The following RUSC2 variants were observed in gnomAD, a reference collection of about 807,000 sequenced individuals.
RUSC2 encodes RUN and SH3 domain containing 2.
A neutral mutation model predicts 122.2 loss-of-function variants in RUSC2; 34 were observed. The ratio of observed to expected loss-of-function variants is 0.28; its 90% confidence interval spans 0.21 to 0.37. RUSC2 has a LOEUF of 0.37. Ranked by LOEUF, RUSC2 falls within the 10% of genes least tolerant of loss-of-function variation. The pLI is 1.00. For synonymous variants in RUSC2, 784 were observed against 790.0 expected (o/e 0.99, Z 0.13); for missense variants, 1,747 against 1,952.4 (o/e 0.89, Z 1.98).
At chr9:35,518,620 G>A (rs927667858) in intron 1 of RUSC2, among the ~76,000 whole-genome samples, 2 of 152,156 alleles carry the variant, frequency 1.3e-5, no homozygotes, top group African/African-American at 4.8e-5. Flanking sequence ...GCTTTCAGGA[G>A]ATTATCTAGG....
At chr9:35,559,304 A>G (rs1822091178) in intron 9 of RUSC2, 32 bp downstream of exon 9, 4 of 1,565,674 alleles carry the variant, frequency 2.6e-6, no homozygotes, top group Admixed American at 3.3e-5. Flanking sequence ...GTCAAACTCA[A>G]TGGGTCAGAA....
At position 35,546,895 on chromosome 9, in the gene RUSC2, G is replaced by A; in HGVS notation, c.374G>A (p.Ser125Asn). 6.3e-7 allele frequency: 1 copy of A among 1,586,246 alleles called. No individual in the cohort carries two copies. The highest frequency in any genetic ancestry group is 8.6e-7 in the Non-Finnish European group (1 of 1,166,316). ...CTGTATGATGACAGCATTGGTGACA[G>A]TGCCACCCAGCAGTCCTTCCACCTG... ...GDLYDDSIGDSATQQSFHLHG... is the reference protein window; with the variant it reads ...GDLYDDSIGDNATQQSFHLHG... The change falls in exon 2 of 12, where the codon AGT (serine) becomes AAT (asparagine). Residue 125 changes from serine to asparagine, a missense_variant. Physicochemically the swap from Ser to Asn is conservative, Grantham distance 46. Transcript: ENST00000361226. This position sits in a 1 kb window ranked among gnomAD's most constrained non-coding sequence, Gnocchi z 4.3.
rs1444513149 is a variant in RUSC2, at chr9:35,547,374, A to G, written c.853A>G (p.Ser285Gly). ...TTCAGATGGTGTGCTGGTCACCTTC[A>G]GCACCCTCTACAACAAGATGCATGG... ...NSSDGVLVTF[S>G]TLYNKMHGTP... is the part of the protein sequence containing the mutation. The change falls in exon 2 of 12, where the codon AGC (serine) becomes GGC (glycine). Residue 285 changes from serine (S) to glycine (G), a missense_variant. Transcript: ENST00000361226. This position sits in a 1 kb window ranked among gnomAD's most constrained non-coding sequence, Gnocchi z 4.6. 1.9e-6 allele frequency: 3 copies of G among 1,614,060 alleles called. No homozygotes were observed. The highest frequency in any genetic ancestry group is 2.2e-5 in the East Asian group (1 of 44,894).
intron 1 of RUSC2, among the ~76,000 whole-genome samples, chr9:35,519,962 A>G (rs1821181619): frequency 6.6e-6 from 1 of 152,124 alleles, no homozygotes; most frequent in African/African-American, 2.4e-5. Flanking sequence ...CCATGTTGTG[A>G]ATCATTATAG....
At chr9:35,552,492 CA>C (rs1367199054) in intron 2 of RUSC2, among the ~76,000 whole-genome samples, 1 of 152,118 alleles carries the variant, frequency 6.6e-6, no homozygotes, top group Non-Finnish European at 1.5e-5. Flanking sequence ...AAGCAGAGAC[CA>C]ATGTGAAGTT....
In RUSC2 at chr9:35,556,155, C is replaced by CCA. The variant is rs1199974193; in HGVS notation, c.2842+19_2842+20dup. The CCA allele has an allele frequency of 6.2e-7, 1 of 1,612,534 alleles. No homozygotes were observed. Among genetic ancestry groups the CCA allele is most frequent in the East Asian group, 2.2e-5 (1 of 44,830 alleles). On this transcript the variant is annotated intron_variant, in intron 4 of 11. Transcript: ENST00000361226. ...GCTGAATGGTGTGTGAGCAGGGTCC[C>CCA]CAGTACACCCGGGGCAGGCTCTGCC...
chr9:35,509,719 A>G (rs1820979250), intron 1 of RUSC2, among the ~76,000 whole-genome samples: 1 of 152,190 alleles, frequency 6.6e-6, no homozygotes, highest in Admixed American at 6.5e-5. Context: ...AATAGGAGGG[A>G]TTCAGGTTAA....
intron 1 of RUSC2, among the ~76,000 whole-genome samples, chr9:35,492,206 A>T (rs968774642): frequency 6.6e-6 from 1 of 152,130 alleles, no homozygotes. Flanking sequence ...TTAAATTTGA[A>T]TTTCAAATAA....
At chr9:35,522,485 C>G (rs1261033360) in intron 1 of RUSC2, among the ~76,000 whole-genome samples, 1 of 152,192 alleles carries the variant, frequency 6.6e-6, no homozygotes, top group Non-Finnish European at 1.5e-5. Flanking sequence ...TGCTCTAACC[C>G]TTACACCCTG....
chr9:35,519,424 C>T (rs1209337543), intron 1 of RUSC2, among the ~76,000 whole-genome samples: 1 of 152,140 alleles, frequency 6.6e-6, no homozygotes, highest in Non-Finnish European at 1.5e-5. Flanking sequence ...GATCTGGGGC[C>T]CCAGGAGAAG....
chr9:35,519,000 T>C (rs4879901), intron 1 of RUSC2, among the ~76,000 whole-genome samples: 67,031 of 152,034 alleles, frequency 0.44, 15,821 homozygotes, highest in Admixed American at 0.55. Context: ...GAGAGTACTA[T>C]AAGCAACAGC....
rs1391401749 is a variant in RUSC2 at position 35,561,067 on chromosome 9, A to C, written c.4319A>C (p.His1440Pro). 2 of 1,613,914 alleles carry C rather than the reference A, an allele frequency of 1.2e-6. No homozygotes were observed. The highest frequency in any genetic ancestry group is 4.5e-5 in the East Asian group (2 of 44,848). The change falls in exon 11 of 12, where the codon CAC (histidine) becomes CCC (proline). Residue 1440 changes from histidine (H) to proline (P), a missense_variant. Transcript: ENST00000361226. ...PEPKESLQEP[H>P]SPALPSSPPC... ...CCCAAGGAGAGCCTGCAGGAGCCAC[A>C]CTCCCCAGCCCTGCCCTCCAGTCCT...
chr9:35,502,081 G>A (rs1564243632), intron 1 of RUSC2, among the ~76,000 whole-genome samples: 1 of 150,714 alleles, frequency 6.6e-6, no homozygotes. Flanking sequence ...AAACTTGATG[G>A]AAAAAAAAAT....
chr9:35,514,412 G>T (rs936985601), intron 1 of RUSC2, among the ~76,000 whole-genome samples: 5 of 152,140 alleles, frequency 3.3e-5, no homozygotes, highest in African/African-American at 1.2e-4. Flanking sequence ...ATCAAGGCTA[G>T]CATATACCTT....
At chr9:35,534,485 CTTAT>C (rs200230602) in intron 1 of RUSC2, among the ~76,000 whole-genome samples, 3,009 of 149,350 alleles carry the variant, frequency 0.02, 96 homozygotes, top group African/African-American at 0.067. Context: ...TATTTATTTA[CTTAT>C]TTATTTTTTT....
chr9:35,494,112 A>C (rs1820623655), intron 1 of RUSC2, among the ~76,000 whole-genome samples: 1 of 150,444 alleles, frequency 6.6e-6, no homozygotes, highest in African/African-American at 2.4e-5. Flanking sequence ...AGCAATGCAT[A>C]AGGGCTCCAA....
At position 35,532,996 on chromosome 9, in the gene RUSC2, A is replaced by G. The variant is rs537056650; in HGVS notation, c.-92-13434A>G. On this transcript the variant is annotated intron_variant, in intron 1 of 11. Coordinates refer to ENST00000361226, the MANE Select transcript of RUSC2 (RefSeq NM_014806.5). ...TGTGGTGGCTCACGCCTGTAATCCT[A>G]GCACTTTGGGAGGCCTAGGCGAGCA... is the stretch of plus-strand genomic sequence containing the variant. 5.3e-5 allele frequency among the ~76,000 whole-genome samples: 8 copies of G among 152,232 alleles called. No homozygotes were observed. The South Asian group carries it at 1.5e-3, about 28-fold the overall frequency.
chr9:35,545,616 C>A (rs995560220), intron 1 of RUSC2, among the ~76,000 whole-genome samples: 1 of 152,186 alleles, frequency 6.6e-6, no homozygotes, highest in African/African-American at 2.4e-5. Context: ...ATGTCTGTAT[C>A]CTGAGCTAGA....
At chr9:35,517,882 T>C (rs914953410) in intron 1 of RUSC2, among the ~76,000 whole-genome samples, 1 of 152,214 alleles carries the variant, frequency 6.6e-6, no homozygotes, top group African/African-American at 2.4e-5. Flanking sequence ...ATTTTTCAAA[T>C]ATTTTTTCCT....
Sources: allele counts gnomAD v4.1 joint callset (sites outside exome capture counted in the v4.1 genomes callset), GRCh38; gene constraint gnomAD v4.1.1; non-coding constraint Gnocchi (gnomAD v3.1); transcripts MANE v1.5; gene names NCBI Gene and HGNC (gene_info 2026-07-23, HGNC 2026-07-21).